Variants in SETX observed in about 807,000 individuals in gnomAD.
The protein encoded by SETX is helicase senataxin.
Under a neutral mutation model 227.2 loss-of-function variants are expected in SETX, and 90 were observed. That is an observed-to-expected ratio of 0.40 (90% confidence interval 0.33 to 0.47). The LOEUF (loss-of-function observed/expected upper bound fraction) is 0.47. Ranked by LOEUF, SETX falls within the 20% of genes least tolerant of loss-of-function variation. SETX has a pLI of 0.91. For missense variants in SETX, 3,052 were observed against 3,181.5 expected, an observed-to-expected ratio of 0.96 and a Z score of 0.98; for synonymous variants, 1,210 against 1,113.2, an observed-to-expected ratio of 1.09 and a Z score of -1.73.
At chr9:132,332,998 G>A (rs1009480661) in intron 7 of SETX, among the ~76,000 whole-genome samples, 7 of 151,698 alleles carry the variant, frequency 4.6e-5, no homozygotes, top group Admixed American at 1.3e-4. Context: ...AATTATACAT[G>A]TAGTTAGGCA....
rs749557904 is a variant in SETX, at chr9:132,326,617, G to C, written c.4981C>G (p.Pro1661Ala). The C allele has an allele frequency of 6.2e-7, 1 of 1,614,104 alleles. No individual in the cohort carries two copies. Among genetic ancestry groups the C allele is most frequent in the Non-Finnish European group, 8.5e-7 (1 of 1,179,986 alleles). ...CTGTTGGAATTATTCGGAGACTGAG[G>C]ATGAAGAACATTGCACGAATTCTTC... ...EMKNSCNVLH[P>A]QSPNNSNRQG... Residue 1661 changes from proline to alanine, a missense_variant, in exon 10 of 26, where the codon CCT becomes GCT. By Grantham distance (27) the Pro-to-Ala change is conservative. Around this residue, in one of 10 missense-constraint regions of SETX, gnomAD observed 1,483 missense variants for 1,312.0 expected, o/e 1.13. Transcript: ENST00000224140.
chr9:132,318,717 T>A (rs1846148645), intron 10 of SETX, among the ~76,000 whole-genome samples: 1 of 152,138 alleles, frequency 6.6e-6, no homozygotes, highest in Non-Finnish European at 1.5e-5. Context: ...TCACAGGAGC[T>A]GGGATACAAT....
chr9:132,261,395 CCACCAAGTAATTTCAG>C lies in SETX; in HGVS notation c.*2828_*2843del, dbSNP rs1404639741. ...TTTTATATCTGAATTGCACAAATCC[CCACCAAGTAATTTCAG>C]CATAAAGCAAACCAAATGGCAGACG... On this transcript the variant is annotated 3_prime_UTR_variant, in exon 26 of 26. Coordinates refer to ENST00000224140, the MANE Select transcript of SETX (RefSeq NM_015046.7). The C allele has an allele frequency of 1.3e-5, 2 of 152,208 alleles. No homozygotes were observed. The highest frequency in any genetic ancestry group is 4.8e-5 in the African/African-American group (2 of 41,444). 9.4% of individuals were successfully genotyped at this position (152,208 alleles called of 1,614,324 possible). A position where few individuals can be genotyped will look rare whatever the true frequency, so the allele number is the denominator to read the frequency against.
In SETX at chr9:132,328,667, T is replaced by A; in HGVS notation, c.2931A>T (p.Pro977=). 1 of 1,613,484 alleles carries A rather than the reference T, an allele frequency of 6.2e-7. No individual in the cohort carries two copies. Among genetic ancestry groups the A allele is most frequent in the South Asian group, 1.1e-5 (1 of 90,946 alleles). The change falls in exon 10 of 26, where the codon CCA becomes CCT. Residue 977 remains proline (P), a synonymous_variant. Transcript: ENST00000224140. ...GCGATGAGTTCTGAGGTGAATCGGA[T>A]GGGAACGTAATAACACTGGCTTGAG... The part of the protein sequence containing the change: ...LLAQASVITF[P]SDSPQNSSQL...
Position 132,300,427 on chromosome 9 carries a change from A to C in SETX, c.5548+203T>G, listed in dbSNP as rs142791004. 3.2e-4 allele frequency among the ~76,000 whole-genome samples: 48 copies of C among 152,346 alleles called. No homozygotes were observed. The Middle Eastern group carries it at 0.01, about 32-fold the overall frequency. ...ATAAAGAAATGTAACAAAAGGATAG[A>C]ACATTACAAAAATAAATACAAGGTC... is the stretch of plus-strand genomic sequence containing the variant. On this transcript the variant is annotated intron_variant, in intron 12 of 25. Transcript: ENST00000224140.
chr9:132,267,707 G>A (rs1462783489), intron 25 of SETX, among the ~76,000 whole-genome samples: 1 of 152,210 alleles, frequency 6.6e-6, no homozygotes, highest in Non-Finnish European at 1.5e-5. Flanking sequence ...TCAGTGGTCT[G>A]CACAGTTGTG....
At chr9:132,312,775 T>C (rs1845740540) in intron 10 of SETX, among the ~76,000 whole-genome samples, 1 of 152,218 alleles carries the variant, frequency 6.6e-6, no homozygotes, top group African/African-American at 2.4e-5. Context: ...CATAGAATCA[T>C]CATCAAAAGT....
At position 132,286,039 on chromosome 9, in the gene SETX, T is replaced by C. The variant is rs531274551; in HGVS notation, c.6396+384A>G. The stretch of plus-strand genomic sequence containing the variant: ...CTCTACTAACAATGCAAAAATTAGC[T>C]GGGCGTGGTGGCACACGCCTGTAAT... On this transcript the variant is annotated intron_variant, in intron 18 of 25. Coordinates refer to ENST00000224140, the MANE Select transcript of SETX (RefSeq NM_015046.7). Among the ~76,000 whole-genome samples the C allele has an allele frequency of 5.1e-3, 714 of 139,116 alleles. 4 individuals are homozygous for C. The highest frequency in any genetic ancestry group is 0.018 in the African/African-American group (683 of 37,418). 91.3% of individuals were successfully genotyped at this position (139,116 alleles called of 152,430 possible).
chr9:132,329,313 T>G lies in SETX; in HGVS notation c.2285A>C (p.Asn762Thr). The G allele has an allele frequency of 6.2e-7, 1 of 1,613,858 alleles. No homozygotes were observed. Among genetic ancestry groups the G allele is most frequent in the Non-Finnish European group, 8.5e-7 (1 of 1,179,878 alleles). The change falls in exon 10 of 26, where the codon AAT (asparagine) becomes ACT (threonine). Residue 762 changes from asparagine to threonine, a missense_variant. Asn to Thr is a moderately conservative substitution (Grantham distance 65). Coordinates refer to ENST00000224140, the MANE Select transcript of SETX (RefSeq NM_015046.7). Reference sequence around the variant, plus strand: ...ATCATCCTTTAAAGAGAAATCTTCATTCGATGTGGACACTTTTTCCAAAGC... The same window carrying G: ...ATCATCCTTTAAAGAGAAATCTTCAGTCGATGTGGACACTTTTTCCAAAGC... ...TDALEKVSTS[N>T]EDFSLKDDAL...
At chr9:132,278,929 A>C (rs538001430) in intron 20 of SETX, among the ~76,000 whole-genome samples, 70 of 152,328 alleles carry the variant, frequency 4.6e-4, no homozygotes, top group African/African-American at 1.6e-3. Flanking sequence ...GAATAAGATG[A>C]AGTCTCACAG....
At position 132,328,480 on chromosome 9, in the gene SETX, A is replaced by C. The variant is rs969576957; in HGVS notation, c.3118T>G (p.Cys1040Gly). The change falls in exon 10 of 26, where the codon TGC (cysteine) becomes GGC (glycine). Residue 1040 changes from cysteine to glycine, a missense_variant. Physicochemically the swap from Cys to Gly is radical, Grantham distance 159. This residue lies in a region of SETX where 1,483 missense variants were observed against 1,312.0 expected (regional missense o/e 1.13). Transcript: ENST00000224140. The part of the protein sequence containing the change: ...LEKLTKQDKI[C>G]LEREHPEQHV... Reference sequence around the variant, plus strand: ...TGCTCTGGATGTTCCCTCTCAAGGCATATTTTGTCCTGTTTAGTGAGTTTC... The same window carrying C: ...TGCTCTGGATGTTCCCTCTCAAGGCCTATTTTGTCCTGTTTAGTGAGTTTC... The C allele has an allele frequency of 1.2e-6, 2 of 1,613,758 alleles. No individual in the cohort carries two copies. Among genetic ancestry groups the C allele is most frequent in the African/African-American group, 2.7e-5 (2 of 75,012 alleles).
intron 5 of SETX, among the ~76,000 whole-genome samples, chr9:132,340,706 C>T (rs1261116690): frequency 6.6e-6 from 1 of 152,210 alleles, no homozygotes; most frequent in Non-Finnish European, 1.5e-5. Flanking sequence ...TAATTGGTCT[C>T]CACCTGCTTG....
At position 132,334,496 on chromosome 9, in the gene SETX, C is replaced by T. The variant is rs1216923667; in HGVS notation, c.838+112G>A. On this transcript the variant is annotated intron_variant, in intron 7 of 25. Transcript: ENST00000224140. ...AAAAAGTCTGAATCTATTACTAAACCAGAAAAATTCTTTTCTCCACAACAT... is the reference window on the plus strand; with the variant it reads ...AAAAAGTCTGAATCTATTACTAAACTAGAAAAATTCTTTTCTCCACAACAT... 10 of 1,246,028 alleles carry T rather than the reference C, an allele frequency of 8.0e-6. No individual in the cohort carries two copies. In the East Asian group the frequency reaches 1.9e-4, roughly 23 times the overall value. The allele number at this position is 1,246,028 out of a possible 1,614,324, so 77.2% of individuals were successfully genotyped here. A position where few individuals can be genotyped will look rare whatever the true frequency, so the allele number is the denominator to read the frequency against.
rs1212476328 is a variant in SETX at position 132,264,597 on chromosome 9, T to C, written c.7676A>G (p.Gln2559Arg). The change falls in exon 26 of 26, where the codon CAA (glutamine) becomes CGA (arginine). Residue 2559 changes from glutamine to arginine, a missense_variant. Coordinates refer to ENST00000224140, the MANE Select transcript of SETX (RefSeq NM_015046.7). ...TCCAGGATGCTGGGGGCTCGAGGGTTGTGGATCCCAAAGGAATATTCCTCC... is the reference window on the plus strand; with the variant it reads ...TCCAGGATGCTGGGGGCTCGAGGGTCGTGGATCCCAAAGGAATATTCCTCC... ...VKGGIFLWDPQPSSPQHPGAT... is the reference protein window; with the variant it reads ...VKGGIFLWDPRPSSPQHPGAT... The C allele has an allele frequency of 1.9e-6, 3 of 1,614,042 alleles. No homozygotes were observed. In the African/African-American group the frequency reaches 4.0e-5, roughly 22 times the overall value.
intron 10 of SETX, among the ~76,000 whole-genome samples, chr9:132,316,889 G>A (rs1564525515): frequency 6.6e-6 from 1 of 152,124 alleles, no homozygotes; most frequent in Non-Finnish European, 1.5e-5. Context: ...TAGTTATGCT[G>A]TTCTTTTCAA....
intron 2 of SETX, among the ~76,000 whole-genome samples, chr9:132,353,066 T>C (rs1848684624): frequency 6.6e-6 from 1 of 152,172 alleles, no homozygotes; most frequent in Admixed American, 6.5e-5. Flanking sequence ...TCGCCATCAA[T>C]TCCTCCTCCA....
At position 132,317,033 on chromosome 9, in the gene SETX, C is replaced by G. The variant is rs145302605; in HGVS notation, c.5275-5177G>C. On this transcript the variant is annotated intron_variant, in intron 10 of 25. Coordinates refer to ENST00000224140, the MANE Select transcript of SETX (RefSeq NM_015046.7). Reference sequence around the variant, plus strand: ...TATAAATGAATTCAGAAAGAAGTCACATCTTTACAATGTGAAGCTATCACA... The same window carrying G: ...TATAAATGAATTCAGAAAGAAGTCAGATCTTTACAATGTGAAGCTATCACA... 3.9e-3 allele frequency among the ~76,000 whole-genome samples: 599 copies of G among 152,360 alleles called. 4 individuals carry two copies. Among genetic ancestry groups the G allele is most frequent in the Non-Finnish European group, 7.2e-3 (492 of 68,038 alleles).
chr9:132,292,379 T>A (rs1257727204), intron 15 of SETX, among the ~76,000 whole-genome samples: 1 of 131,572 alleles, frequency 7.6e-6, no homozygotes, highest in Non-Finnish European at 1.5e-5. Context: ...CACTGAGCCA[T>A]GATCATGCCA....
Position 132,327,389 on chromosome 9 carries a change from C to T in SETX, c.4209G>A (p.Glu1403=), listed in dbSNP as rs1347401564. The change falls in exon 10 of 26, where the codon GAG becomes GAA. Residue 1403 remains glutamate (E), a synonymous_variant. Coordinates refer to ENST00000224140, the MANE Select transcript of SETX (RefSeq NM_015046.7). ...RSDYNCTGGT[E]VLANSNRKQL... is the part of the protein sequence containing the mutation. ...GTTTTCTGTTACTGTTGGCAAGTAC[C>T]TCAGTTCCTCCTGTACAATTATAAT... The T allele has an allele frequency of 1.2e-6, 2 of 1,614,054 alleles. No individual in the cohort carries two copies. The highest frequency in any genetic ancestry group is 2.7e-5 in the African/African-American group (2 of 74,920).
Sources: gnomAD v4.1 joint callset for allele counts (sites outside exome capture counted in the v4.1 genomes callset) on GRCh38, gnomAD v4.1.1 for gene constraint, gnomAD v4.1.1 regional missense constraint, MANE v1.5 for transcripts, NCBI Gene and HGNC (gene_info 2026-07-23, HGNC 2026-07-21) for gene names.